Variants in CSMD1 observed in about 807,000 individuals in gnomAD.
CSMD1 encodes the protein CUB and Sushi multiple domains 1.
In CSMD1, 213 loss-of-function variants were observed where a neutral mutation model predicts 417.5. That is an observed-to-expected ratio of 0.51 (90% confidence interval 0.46 to 0.57). The LOEUF (loss-of-function observed/expected upper bound fraction) is 0.57, where lower values mean the gene tolerates loss of function less well. Among genes scored for constraint, CSMD1 ranks in the 20% least tolerant of loss-of-function variants. CSMD1 has a pLI of 0.00. For synonymous variants in CSMD1, 2,862 were observed against 1,736.8 expected (o/e 1.65, Z -16.11); for missense variants, 6,923 against 4,529.7 (o/e 1.53, Z -15.17).
intron 2 of CSMD1, among the ~76,000 whole-genome samples, chr8:4,426,907 G>A (rs1401312372): frequency 6.6e-6 from 1 of 151,750 alleles, no homozygotes; most frequent in Non-Finnish European, 1.5e-5. Flanking sequence ...AGGTGTTTCA[G>A]CTTTTTATTT....
At chr8:3,178,809 C>G (rs1012505013) in intron 37 of CSMD1, among the ~76,000 whole-genome samples, 1 of 151,940 alleles carries the variant, frequency 6.6e-6, no homozygotes, top group African/African-American at 2.4e-5. Context: ...CAGTCCATAT[C>G]TTAAAATAAA....
At chr8:3,320,921 T>A (rs75849430) in intron 23 of CSMD1, among the ~76,000 whole-genome samples, 1,654 of 152,278 alleles carry the variant, frequency 0.011, 20 homozygotes, top group East Asian at 0.075. Flanking sequence ...CGTAAAGCGT[T>A]CAGTAGCAAA....
chr8:3,172,922 T>G (rs532921858), intron 37 of CSMD1, among the ~76,000 whole-genome samples: 1 of 152,300 alleles, frequency 6.6e-6, no homozygotes, highest in Admixed American at 6.5e-5. Context: ...GGAGGTCAGC[T>G]TGGAAGTACG....
chr8:4,433,166 C>A (rs933037976), intron 2 of CSMD1, among the ~76,000 whole-genome samples: 1 of 152,154 alleles, frequency 6.6e-6, no homozygotes, highest in African/African-American at 2.4e-5. Flanking sequence ...ACTGATTCTG[C>A]ATTATGGCGA....
At chr8:4,241,251 C>T (rs1041262183) in intron 3 of CSMD1, among the ~76,000 whole-genome samples, 6 of 152,168 alleles carry the variant, frequency 3.9e-5, no homozygotes, top group African/African-American at 1.4e-4. Context: ...CCTTCATATA[C>T]ACCACAGGGC....
intron 3 of CSMD1, among the ~76,000 whole-genome samples, chr8:4,240,037 G>C (rs564617138): frequency 2.0e-5 from 3 of 152,214 alleles, no homozygotes; most frequent in African/African-American, 4.8e-5. Context: ...CATATTTCTT[G>C]ACAAGAAAAT....
At chr8:3,299,356 G>A (rs1291474479) in intron 25 of CSMD1, among the ~76,000 whole-genome samples, 1 of 152,144 alleles carries the variant, frequency 6.6e-6, no homozygotes, top group Non-Finnish European at 1.5e-5. Flanking sequence ...GGAGGCTCAG[G>A]CAGGAGCATT....
At chr8:3,664,734 T>C (rs918656924) in intron 7 of CSMD1, among the ~76,000 whole-genome samples, 3 of 152,196 alleles carry the variant, frequency 2.0e-5, no homozygotes, top group Non-Finnish European at 2.9e-5. Context: ...AAATATCTAA[T>C]GAAGATGTCC....
intron 1 of CSMD1, among the ~76,000 whole-genome samples, chr8:4,926,100 T>C (rs1172946589): frequency 1.3e-5 from 2 of 152,208 alleles, no homozygotes; most frequent in Non-Finnish European, 2.9e-5. Context: ...TTGTTTTTAT[T>C]AAAAGAACAT....
At chr8:3,853,940 GTATAA>G (rs887939606) in intron 5 of CSMD1, among the ~76,000 whole-genome samples, 2 of 143,308 alleles carry the variant, frequency 1.4e-5, no homozygotes, top group African/African-American at 5.1e-5. Flanking sequence ...ATATATTAAA[GTATAA>G]TATATTAATA....
At chr8:3,948,193 G>C (rs1406098130) in intron 5 of CSMD1, among the ~76,000 whole-genome samples, 4 of 152,050 alleles carry the variant, frequency 2.6e-5, no homozygotes, top group Non-Finnish European at 5.9e-5. Flanking sequence ...AACAGACCAA[G>C]ACTCCGTCTA....
At chr8:4,484,192 G>C (rs1337544694) in intron 2 of CSMD1, among the ~76,000 whole-genome samples, 2 of 146,722 alleles carry the variant, frequency 1.4e-5, no homozygotes, top group South Asian at 4.3e-4. Context: ...CTGCAGCTTG[G>C]ATGACACGAA....
At chr8:4,030,179 T>A (rs897755689) in intron 4 of CSMD1, among the ~76,000 whole-genome samples, 4 of 133,702 alleles carry the variant, frequency 3.0e-5, no homozygotes, top group Non-Finnish European at 6.3e-5. Flanking sequence ...TGAAGGATGG[T>A]AGCCTTCTTC....
chr8:3,822,091 T>G (rs556625076), intron 5 of CSMD1, among the ~76,000 whole-genome samples: 59 of 152,248 alleles, frequency 3.9e-4, no homozygotes, highest in African/African-American at 1.4e-3. Flanking sequence ...AAATGTCCTA[T>G]GTTTTGTCTC....
chr8:4,054,611 A>G lies in CSMD1; in HGVS notation c.416-22512T>C, dbSNP rs552536697. Among the ~76,000 whole-genome samples the G allele has an allele frequency of 1.4e-4, 22 of 152,144 alleles. No homozygotes were observed. The South Asian group carries it at 4.2e-3, about 29-fold the overall frequency. On this transcript the variant is annotated intron_variant, in intron 3 of 69. Coordinates refer to ENST00000635120, the MANE Select transcript of CSMD1 (RefSeq NM_033225.6). ...CTAATTGTGGAGGTGTATTTAGCTT[A>G]TTTCCCCATCGGACTGTAAAACACA...
intron 3 of CSMD1, among the ~76,000 whole-genome samples, chr8:4,076,691 C>T (rs1179238741): frequency 6.6e-6 from 1 of 152,114 alleles, no homozygotes; most frequent in Non-Finnish European, 1.5e-5. Flanking sequence ...AACATTTAGC[C>T]ATATCTTGTC....
chr8:4,391,262 T>C (rs1286563004), intron 3 of CSMD1, among the ~76,000 whole-genome samples: 3 of 152,180 alleles, frequency 2.0e-5, no homozygotes, highest in Non-Finnish European at 2.9e-5. Flanking sequence ...CCCCACTCAC[T>C]GCTTTCACTC....
At chr8:4,080,242 C>T (rs1563096946) in intron 3 of CSMD1, among the ~76,000 whole-genome samples, 2 of 152,158 alleles carry the variant, frequency 1.3e-5, no homozygotes, top group African/African-American at 4.8e-5. Flanking sequence ...CCCATCATCA[C>T]TGCCTGCTTT....
chr8:3,801,310 G>C (rs1459556737), intron 5 of CSMD1, among the ~76,000 whole-genome samples: 8 of 152,064 alleles, frequency 5.3e-5, no homozygotes, highest in Non-Finnish European at 1.2e-4. Flanking sequence ...GATTTAAATA[G>C]ACATTTCTCC....
Sources: gnomAD v4.1 joint callset for allele counts (sites outside exome capture counted in the v4.1 genomes callset) on GRCh38, gnomAD v4.1.1 for gene constraint, MANE v1.5 for transcripts, NCBI Gene and HGNC (gene_info 2026-07-23, HGNC 2026-07-21) for gene names.